PROX1: variants seen among roughly 807,000 people sequenced by gnomAD.
PROX1 encodes prospero homeobox protein 1.
In PROX1, 7 loss-of-function variants were observed where a neutral mutation model predicts 58.8. The observed-to-expected ratio is 0.12, with a 90% CI of 0.07 to 0.22. The LOEUF (loss-of-function observed/expected upper bound fraction) is 0.22, where lower values mean the gene tolerates loss of function less well. Ranked by LOEUF, PROX1 falls within the 10% of genes least tolerant of loss-of-function variation. The pLI is 1.00. For missense variants in PROX1, 675 were observed against 927.8 expected (o/e 0.73, Z 3.54); for synonymous variants, 350 against 358.3 (o/e 0.98, Z 0.26).
rs71165943 is a variant in PROX1 at position 213,990,630 on chromosome 1, CAGAGAG to C, written c.-68+2165_-68+2170del. 5.3e-3 allele frequency among the ~76,000 whole-genome samples: 739 copies of C among 139,654 alleles called. 7 individuals carry two copies. Among genetic ancestry groups the C allele is most frequent in the Non-Finnish European group, 7.6e-3 (493 of 64,876 alleles). The allele number at this position is 139,654 out of a possible 152,430, so 91.6% of individuals were successfully genotyped here. A position where few individuals can be genotyped will look rare whatever the true frequency, so the allele number is the denominator to read the frequency against. On this transcript the variant is annotated intron_variant, in intron 1 of 4. Transcript: ENST00000366958. Reference sequence around the variant, plus strand: ...GCCTATCTCCCAGGTCTGTGCTTGGCAGAGAGAGAGAGAGAGAGAGAGAACTGTCGT... The same window carrying C: ...GCCTATCTCCCAGGTCTGTGCTTGGCAGAGAGAGAGAGAGAGAACTGTCGT...
intron 4 of PROX1, among the ~76,000 whole-genome samples, chr1:214,020,124 T>C (rs1571832732): frequency 6.6e-6 from 1 of 152,202 alleles, no homozygotes; most frequent in East Asian, 1.9e-4. Context: ...ACCAAGTGAT[T>C]GCTTCCAGTT....
At chr1:214,020,139 A>G (rs1292832665) in intron 4 of PROX1, among the ~76,000 whole-genome samples, 2 of 152,136 alleles carry the variant, frequency 1.3e-5, no homozygotes, top group Non-Finnish European at 2.9e-5. Context: ...CCAGTTTATG[A>G]TGAGAGACAG....
upstream of PROX1, chr1:213,983,176 A>T (rs954638513): frequency 1.3e-5 from 2 of 152,238 alleles, no homozygotes; most frequent in African/African-American, 4.8e-5. Context: ...GCTCCTGCCG[A>T]GTGCCTGGAG....
intron 4 of PROX1, among the ~76,000 whole-genome samples, chr1:214,031,066 T>TGTGCGCGC (rs1231686198): frequency 1.9e-4 from 18 of 95,138 alleles, no homozygotes; most frequent in East Asian, 1.7e-3. Context: ...TGTGTGTGTG[T>TGTGCGCGC]GCGCGCGCGC....
chr1:214,021,152 T>A (rs1173300424), intron 4 of PROX1, among the ~76,000 whole-genome samples: 1 of 152,200 alleles, frequency 6.6e-6, no homozygotes, highest in East Asian at 1.9e-4. Flanking sequence ...TCGAGATATA[T>A]CCAAAATATT....
chr1:213,993,757 G>C (rs761543819), intron 1 of PROX1, among the ~76,000 whole-genome samples: 1 of 152,170 alleles, frequency 6.6e-6, no homozygotes. Flanking sequence ...ATAATGCCTT[G>C]TCCTGGATTA....
chr1:214,020,062 A>G (rs1164700935), intron 4 of PROX1, among the ~76,000 whole-genome samples: 1 of 152,144 alleles, frequency 6.6e-6, no homozygotes, highest in African/African-American at 2.4e-5. Flanking sequence ...GTGACTTTGA[A>G]TAGCTCGCCA....
At chr1:214,032,746 CT>C (rs764857834) in intron 4 of PROX1, among the ~76,000 whole-genome samples, 1 of 152,110 alleles carries the variant, frequency 6.6e-6, no homozygotes, top group Non-Finnish European at 1.5e-5. Context: ...GCTGAGGCTC[CT>C]TATCTAGAGA....
intron 1 of PROX1, among the ~76,000 whole-genome samples, chr1:213,993,789 C>T (rs767145764): frequency 1.3e-5 from 2 of 152,062 alleles, no homozygotes; most frequent in Non-Finnish European, 2.9e-5. Flanking sequence ...TTATTTTTCC[C>T]ATTTGTTTTG....
intron 2 of PROX1, 107 bp downstream of exon 2, chr1:213,998,367 A>C: frequency 7.7e-7 from 1 of 1,290,330 alleles, no homozygotes; most frequent in Middle Eastern, 2.0e-4. Context: ...CTTCTTAAGA[A>C]GGCAACCTTT....
intron 4 of PROX1, among the ~76,000 whole-genome samples, chr1:214,021,305 A>G (rs895408440): frequency 1.3e-5 from 2 of 152,204 alleles, no homozygotes; most frequent in Admixed American, 6.5e-5. Flanking sequence ...GGAAAATACT[A>G]TCTTCTTTTT....
rs1011328860 is a variant in PROX1, at chr1:213,996,475, G to A, written c.-61G>A. ...CTTTTGTTCTGTTGGCCAGGGTCCC[G>A]GGATTCTTGAGCTGTGCCCAGCTGA... On this transcript the variant is annotated 5_prime_UTR_variant, in exon 2 of 5. Transcript: ENST00000366958. The A allele has an allele frequency of 4.1e-5, 63 of 1,529,788 alleles. No individual in the cohort carries two copies. In the African/African-American group the frequency reaches 6.2e-4, roughly 15 times the overall value. The allele number at this position is 1,529,788 out of a possible 1,614,324, so 94.8% of individuals were successfully genotyped here.
Position 214,011,729 on chromosome 1 carries a change from T to C in PROX1, c.2028+14T>C. ...AATGACTTTGAGGTAGGAACTAATC[T>C]TTATTTTTTGGTCATCTCCCTTTTC... On this transcript the variant is annotated intron_variant, in intron 4 of 4. Transcript: ENST00000366958. The C allele has an allele frequency of 6.5e-7, 1 of 1,535,202 alleles. No individual in the cohort carries two copies. Among genetic ancestry groups the C allele is most frequent in the South Asian group, 1.2e-5 (1 of 80,468 alleles).
chr1:214,026,034 T>C (rs1439453991), intron 4 of PROX1, among the ~76,000 whole-genome samples: 1 of 152,236 alleles, frequency 6.6e-6, no homozygotes, highest in Non-Finnish European at 1.5e-5. Flanking sequence ...GAGCAATTTC[T>C]GCACAGTGCT....
intron 2 of PROX1, among the ~76,000 whole-genome samples, chr1:214,001,068 T>TTTAA (rs1663494161): frequency 6.6e-6 from 1 of 152,216 alleles, no homozygotes; most frequent in African/African-American, 2.4e-5. Context: ...TTATATATAA[T>TTTAA]TTAATTTTTC....
At chr1:213,995,719 A>C (rs1047101396) in intron 1 of PROX1, among the ~76,000 whole-genome samples, 2 of 152,218 alleles carry the variant, frequency 1.3e-5, no homozygotes, top group Non-Finnish European at 2.9e-5. Context: ...ATGAAAATGT[A>C]TAAATATTCT....
chr1:214,009,488 G>A (rs111578772), intron 3 of PROX1, among the ~76,000 whole-genome samples: 54 of 152,268 alleles, frequency 3.5e-4, no homozygotes, highest in African/African-American at 1.1e-3. Flanking sequence ...TTTAGCCGGC[G>A]ACTAAAACTG....
chr1:214,004,223 A>AG (rs1468920519), intron 2 of PROX1, among the ~76,000 whole-genome samples: 1 of 152,310 alleles, frequency 6.6e-6, no homozygotes, highest in African/African-American at 2.4e-5. Flanking sequence ...CCCAGCTCTG[A>AG]GTCTGCTGAG....
rs1480954084 is a variant in PROX1, at chr1:214,034,386, A to T, written c.2029-1263A>T. 3.9e-5 allele frequency among the ~76,000 whole-genome samples: 6 copies of T among 152,342 alleles called. No individual in the cohort carries two copies. In the East Asian group the frequency reaches 1.2e-3, roughly 29 times the overall value. ...TTCATCTCTTGTATATGCGTAGATA[A>T]ATATGGCTACATGTACACCTATGAT... On this transcript the variant is annotated intron_variant, in intron 4 of 4. Coordinates refer to ENST00000366958, the MANE Select transcript of PROX1 (RefSeq NM_001270616.2).
Sources: gnomAD v4.1 joint callset for allele counts (sites outside exome capture counted in the v4.1 genomes callset) on GRCh38, gnomAD v4.1.1 for gene constraint, MANE v1.5 for transcripts, NCBI Gene and HGNC (gene_info 2026-07-23, HGNC 2026-07-21) for gene names.